Variants in CSMD1 observed in about 807,000 individuals in gnomAD.
CSMD1 encodes CUB and sushi domain-containing protein 1.
CSMD1 carries 213 observed loss-of-function variants against 417.5 expected under a neutral mutation model. That is an observed-to-expected ratio of 0.51 (90% CI 0.46 to 0.57). The LOEUF is 0.57. Ranked by LOEUF, CSMD1 falls within the 20% of genes least tolerant of loss-of-function variation. The pLI, the probability that CSMD1 is intolerant of heterozygous loss-of-function variation, is 0.00. For missense variants in CSMD1, 6,923 were observed against 4,529.7 expected (o/e 1.53, Z -15.17); for synonymous variants, 2,862 against 1,736.8 (o/e 1.65, Z -16.11).
intron 1 of CSMD1, among the ~76,000 whole-genome samples, chr8:4,671,727 G>C (rs950602198): frequency 1.4e-5 from 2 of 147,872 alleles, no homozygotes; most frequent in Admixed American, 1.3e-4. Context: ...AGTATTGCTT[G>C]TGTGTGTGTG....
chr8:3,973,109 T>C (rs1028283912), intron 5 of CSMD1, among the ~76,000 whole-genome samples: 1 of 152,230 alleles, frequency 6.6e-6, no homozygotes, highest in African/African-American at 2.4e-5. Context: ...AAGCCTGCTT[T>C]CTTGACAGTT....
chr8:4,018,259 A>G (rs779249498), intron 4 of CSMD1, among the ~76,000 whole-genome samples: 6 of 152,050 alleles, frequency 3.9e-5, no homozygotes, highest in Non-Finnish European at 8.8e-5. Flanking sequence ...AACATTTGGT[A>G]TTATGGTGTT....
At chr8:4,401,768 TC>T (rs2128929278) in intron 3 of CSMD1, among the ~76,000 whole-genome samples, 1 of 152,126 alleles carries the variant, frequency 6.6e-6, no homozygotes, top group African/African-American at 2.4e-5. Context: ...TTGAACATAG[TC>T]CCCGCAGCCC....
At chr8:3,962,088 C>G (rs1298536449) in intron 5 of CSMD1, among the ~76,000 whole-genome samples, 1 of 152,186 alleles carries the variant, frequency 6.6e-6, no homozygotes, top group Non-Finnish European at 1.5e-5. Context: ...ATAACTTGAG[C>G]TTGGACTCAG....
rs1466747450 is a variant in CSMD1, at chr8:4,351,978, G to C, written c.415+67975C>G. 2.9e-5 allele frequency among the ~76,000 whole-genome samples: 4 copies of C among 140,142 alleles called. No homozygotes were observed. The Admixed American group carries it at 2.9e-4, about 10-fold the overall frequency. 91.9% of individuals were successfully genotyped at this position (140,142 alleles called of 152,430 possible). On this transcript the variant is annotated intron_variant, in intron 3 of 69. Coordinates refer to ENST00000635120, the MANE Select transcript of CSMD1 (RefSeq NM_033225.6). The stretch of plus-strand genomic sequence containing the variant: ...TTTTTTTTTTTTCAGAAAAAAAAAT[G>C]AGTGGCTTGAAACACGGGTATGGAA...
At chr8:3,626,168 A>C (rs961418971) in intron 7 of CSMD1, among the ~76,000 whole-genome samples, 1 of 152,156 alleles carries the variant, frequency 6.6e-6, no homozygotes, top group Non-Finnish European at 1.5e-5. Context: ...CGACGTCTCT[A>C]TGCCTCCGGC....
At chr8:4,706,835 T>C (rs889953838) in intron 1 of CSMD1, among the ~76,000 whole-genome samples, 102 of 152,220 alleles carry the variant, frequency 6.7e-4, no homozygotes, top group African/African-American at 2.3e-3. Context: ...GTTGACCCGA[T>C]TGAGAGAATG....
intron 11 of CSMD1, among the ~76,000 whole-genome samples, chr8:3,470,810 A>G (rs1461941846): frequency 6.6e-6 from 1 of 152,164 alleles, no homozygotes; most frequent in African/African-American, 2.4e-5. Context: ...TACTTAGCTT[A>G]ATTCCTGGAA....
intron 4 of CSMD1, among the ~76,000 whole-genome samples, chr8:4,016,108 T>C (rs1201763150): frequency 6.6e-6 from 1 of 152,134 alleles, no homozygotes; most frequent in Non-Finnish European, 1.5e-5. Context: ...AATTTTGGGA[T>C]GGGATCATAT....
chr8:3,191,968 C>T (rs1179167365), intron 33 of CSMD1, among the ~76,000 whole-genome samples: 1 of 152,120 alleles, frequency 6.6e-6, no homozygotes, highest in African/African-American at 2.4e-5. Context: ...TCTATCTTCC[C>T]ACGGCTTTTT....
chr8:3,945,155 C>A (rs1261762176), intron 5 of CSMD1, among the ~76,000 whole-genome samples: 6 of 111,896 alleles, frequency 5.4e-5, no homozygotes, highest in South Asian at 6.2e-4. Context: ...CAATGATTGC[C>A]AATAATTTGA....
intron 26 of CSMD1, among the ~76,000 whole-genome samples, chr8:3,277,373 G>A (rs897756823): frequency 2.6e-5 from 4 of 152,162 alleles, no homozygotes; most frequent in African/African-American, 7.2e-5. Flanking sequence ...GTACGCAGGT[G>A]CATGAAGAAG....
chr8:3,643,088 C>T (rs764665694), intron 7 of CSMD1, among the ~76,000 whole-genome samples: 24 of 151,980 alleles, frequency 1.6e-4, no homozygotes, highest in Non-Finnish European at 3.4e-4. Flanking sequence ...GGGAGAGAGA[C>T]AGGCATGCAG....
At chr8:3,723,898 T>G (rs1434161971) in intron 6 of CSMD1, among the ~76,000 whole-genome samples, 1 of 152,212 alleles carries the variant, frequency 6.6e-6, no homozygotes, top group Admixed American at 6.5e-5. Flanking sequence ...GTGCAAAAAG[T>G]TGACTTATAT....
intron 1 of CSMD1, among the ~76,000 whole-genome samples, chr8:4,944,482 A>C (rs1235590039): frequency 2.0e-5 from 3 of 152,210 alleles, no homozygotes; most frequent in African/African-American, 7.2e-5. Context: ...CCAGACACCA[A>C]ACAGATCTTG....
chr8:3,531,868 A>G (rs1797995971), intron 10 of CSMD1, among the ~76,000 whole-genome samples: 1 of 152,154 alleles, frequency 6.6e-6, no homozygotes, highest in Non-Finnish European at 1.5e-5. Context: ...CCGGTCCACC[A>G]TGGGGCCCCA....
intron 10 of CSMD1, among the ~76,000 whole-genome samples, chr8:3,498,585 A>G (rs935296635): frequency 6.6e-6 from 1 of 152,206 alleles, no homozygotes; most frequent in African/African-American, 2.4e-5. Context: ...TTTATTATAT[A>G]GATATCCTAC....
chr8:3,402,818 CTAAT>C (rs1293143777), intron 15 of CSMD1, among the ~76,000 whole-genome samples: 9 of 151,790 alleles, frequency 5.9e-5, no homozygotes, highest in Admixed American at 5.3e-4. Flanking sequence ...TAATAGGATC[CTAAT>C]TTATTTTTGT....
At chr8:4,587,773 G>A (rs1042500638) in intron 2 of CSMD1, among the ~76,000 whole-genome samples, 1 of 152,116 alleles carries the variant, frequency 6.6e-6, no homozygotes, top group Non-Finnish European at 1.5e-5. Context: ...GCTAACACAA[G>A]CACTTTTCAC....
Sources: allele counts gnomAD v4.1 joint callset (sites outside exome capture counted in the v4.1 genomes callset), GRCh38; gene constraint gnomAD v4.1.1; transcripts MANE v1.5; gene names NCBI Gene and HGNC (gene_info 2026-07-23, HGNC 2026-07-21).